Variants in F5 observed in about 807,000 individuals in gnomAD.
F5 encodes activated protein c cofactor.
F5 carries 138 observed loss-of-function variants against 216.4 expected under a neutral mutation model. The ratio of observed to expected loss-of-function variants is 0.64; its 90% CI spans 0.56 to 0.73. The LOEUF (loss-of-function observed/expected upper bound fraction) is 0.73, where lower values mean the gene tolerates loss of function less well. Ranked by LOEUF, F5 falls within the 30% of genes least tolerant of loss-of-function variation. F5 has a pLI of 0.00. For synonymous variants in F5, 916 were observed against 930.7 expected, an observed-to-expected ratio of 0.98 and a Z score of 0.29; for missense variants, 2,403 against 2,674.0, an observed-to-expected ratio of 0.90 and a Z score of 2.24.
At position 169,513,743 on chromosome 1, in the gene F5, C is replaced by T. The variant is rs531400760; in HGVS notation, c.*570G>A. 3.3e-5 allele frequency among the ~76,000 whole-genome samples: 5 copies of T among 152,130 alleles called. No individual in the cohort carries two copies. The highest frequency in any genetic ancestry group is 7.2e-5 in the African/African-American group (3 of 41,520). ...TGTGCAGTCCTTAGGGAGACCAGGA[C>T]GGATTCACAATTTCAATGGGGCTAC... On this transcript the variant is annotated 3_prime_UTR_variant, in exon 25 of 25. Transcript: ENST00000367797.
At chr1:169,581,677 A>C (rs935388159) in intron 2 of F5, among the ~76,000 whole-genome samples, 6 of 152,198 alleles carry the variant, frequency 3.9e-5, no homozygotes, top group Non-Finnish European at 8.8e-5. Context: ...AACTGGAGGA[A>C]GTTCTCCCTT....
At chr1:169,551,221 G>T (rs2420375) in intron 8 of F5, among the ~76,000 whole-genome samples, 1 of 152,156 alleles carries the variant, frequency 6.6e-6, no homozygotes, top group South Asian at 2.1e-4. Flanking sequence ...GGCTGAAGCA[G>T]GTGGATCACT....
chr1:169,540,795 T>C lies in F5; in HGVS notation c.4295A>G (p.Asp1432Gly). ...TGGAGAGAGAGTCACCTGGCTGAGG[T>C]CTGGGGAAAGGGACATCTGACCAAA... ...PNFGQMSLSP[D>G]LSQVTLSPDI... The change falls in exon 13 of 25, where the codon GAC (aspartate) becomes GGC (glycine). Residue 1432 changes from aspartate (D) to glycine (G), a missense_variant. Around this residue, in one of 4 missense-constraint regions of F5, gnomAD observed 293 missense variants for 270.8 expected, o/e 1.08. Transcript: ENST00000367797. 5 of 1,613,686 alleles carry C rather than the reference T, an allele frequency of 3.1e-6. No homozygotes were observed. Among genetic ancestry groups the C allele is most frequent in the Non-Finnish European group, 4.2e-6 (5 of 1,179,900 alleles).
chr1:169,535,195 T>A (rs1290187710), intron 14 of F5, among the ~76,000 whole-genome samples: 1 of 152,130 alleles, frequency 6.6e-6, no homozygotes, highest in Non-Finnish European at 1.5e-5. Flanking sequence ...TAAAATTATT[T>A]TAAAAATACA....
rs767263473 is a variant in F5 at position 169,529,608 on chromosome 1, C to G, written c.5419G>C (p.Ala1807Pro). 1 of 1,613,086 alleles carries G rather than the reference C, an allele frequency of 6.2e-7. No individual in the cohort carries two copies. The change falls in exon 16 of 25, where the codon GCC becomes CCC. Residue 1807 changes from alanine to proline, a missense_variant and splice_region_variant. Around this residue, in one of 4 missense-constraint regions of F5, gnomAD observed 659 missense variants for 787.9 expected, o/e 0.84. Transcript: ENST00000367797. The stretch of plus-strand genomic sequence containing the variant: ...TTAGATCAAAGTCTGAGGAAAATAC[C>G]GTGAAACTCATGGGATTTTTTCATT... ...SEMKKSHEFH[A>P]INGMIYSLPG...
intron 23 of F5, among the ~76,000 whole-genome samples, chr1:169,516,905 C>T (rs1340379523): frequency 6.6e-6 from 1 of 152,000 alleles, no homozygotes; most frequent in African/African-American, 2.4e-5. Context: ...TGTTATATCA[C>T]AAAGACTAAG....
At chr1:169,545,347 C>T (rs963771050) in intron 11 of F5, among the ~76,000 whole-genome samples, 3 of 152,088 alleles carry the variant, frequency 2.0e-5, no homozygotes, top group African/African-American at 7.2e-5. Flanking sequence ...CTGAGATATG[C>T]TGTGAGTATA....
chr1:169,573,794 G>A lies in F5; in HGVS notation c.251-1451C>T, dbSNP rs112306566. On this transcript the variant is annotated intron_variant, in intron 2 of 24. Transcript: ENST00000367797. ...GATGTATGATAGGAGCGACTGCTGAGATATGGGCAAAATATTACAGAAGAA... is the reference window on the plus strand; with the variant it reads ...GATGTATGATAGGAGCGACTGCTGAAATATGGGCAAAATATTACAGAAGAA... 6.4e-3 allele frequency among the ~76,000 whole-genome samples: 980 copies of A among 152,236 alleles called. 4 individuals are homozygous for A. Among genetic ancestry groups the A allele is most frequent in the Middle Eastern group, 0.034 (10 of 294 alleles).
intron 14 of F5, among the ~76,000 whole-genome samples, chr1:169,532,116 A>C (rs1322091957): frequency 6.6e-6 from 1 of 152,222 alleles, no homozygotes; most frequent in African/African-American, 2.4e-5. Flanking sequence ...ATCTCAATAA[A>C]TGTGGAAAAA....
At position 169,540,387 on chromosome 1, in the gene F5, G is replaced by A. The variant is rs926913920; in HGVS notation, c.4703C>T (p.Ala1568Val). 2 of 1,613,888 alleles carry A rather than the reference G, an allele frequency of 1.2e-6. No individual in the cohort carries two copies. Among genetic ancestry groups the A allele is most frequent in the African/African-American group, 1.3e-5 (1 of 74,894 alleles). Reference protein sequence around the residue: ...INSSRDPDNIAAWYLRSNNGN... With the variant: ...INSSRDPDNIVAWYLRSNNGN... ...ATTGTTGCTGCGGAGGTACCATGCTGCAATGTTGTCAGGATCTCTGGAGGA... is the reference window on the plus strand; with the variant it reads ...ATTGTTGCTGCGGAGGTACCATGCTACAATGTTGTCAGGATCTCTGGAGGA... Residue 1568 changes from alanine to valine, a missense_variant, in exon 13 of 25, where the codon GCA (alanine) becomes GTA (valine). Transcript: ENST00000367797.
At chr1:169,539,117 G>A (rs1019912738) in intron 13 of F5, among the ~76,000 whole-genome samples, 7 of 152,146 alleles carry the variant, frequency 4.6e-5, no homozygotes, top group African/African-American at 1.4e-4. Context: ...ACTGAAGCAT[G>A]TCGAATTCTC....
At chr1:169,572,972 G>A (rs942134763) in intron 2 of F5, among the ~76,000 whole-genome samples, 2 of 150,580 alleles carry the variant, frequency 1.3e-5, no homozygotes, top group African/African-American at 4.9e-5. Flanking sequence ...TTGAGATGGA[G>A]TCTCGCTCTG....
rs576697300 is a variant in F5, at chr1:169,547,851, A to G, written c.1612-1259T>C. 3.3e-5 allele frequency among the ~76,000 whole-genome samples: 5 copies of G among 152,344 alleles called. No individual in the cohort carries two copies. The South Asian group carries it at 8.3e-4, about 25-fold the overall frequency. ...AATTCCATTACTTGGTATGTACCCA[A>G]AGGAATATAAATCATTCTGTTATAA... On this transcript the variant is annotated intron_variant, in intron 10 of 24. Transcript: ENST00000367797.
At chr1:169,561,420 C>T (rs982793215) in intron 3 of F5, among the ~76,000 whole-genome samples, 4 of 152,064 alleles carry the variant, frequency 2.6e-5, no homozygotes, top group African/African-American at 9.7e-5. Context: ...TTAACACCTC[C>T]ATGTATATTG....
chr1:169,546,766 C>T (rs1251247035), intron 10 of F5, among the ~76,000 whole-genome samples, 174 bp from the exon 11 acceptor site: 1 of 151,990 alleles, frequency 6.6e-6, no homozygotes, highest in African/African-American at 2.4e-5. Context: ...ACTGGCTAGC[C>T]GTAGGCAGAA....
chr1:169,562,459 T>C (rs1660505371), intron 3 of F5, among the ~76,000 whole-genome samples: 1 of 152,110 alleles, frequency 6.6e-6, no homozygotes, highest in East Asian at 1.9e-4. Context: ...TTCTTTCCAT[T>C]TACTTTTAAT....
chr1:169,574,679 A>C (rs1660803521), intron 2 of F5, among the ~76,000 whole-genome samples: 1 of 152,242 alleles, frequency 6.6e-6, no homozygotes, highest in Non-Finnish European at 1.5e-5. Context: ...GTAGATATTA[A>C]GATCCTCATT....
intron 3 of F5, 59 bp downstream of exon 3, chr1:169,572,162 T>C: frequency 1.3e-6 from 2 of 1,540,294 alleles, no homozygotes; most frequent in Non-Finnish European, 1.8e-6. Context: ...TAAATGTTGA[T>C]GCTGGTATTA....
intron 3 of F5, among the ~76,000 whole-genome samples, chr1:169,569,034 G>C (rs561900091): frequency 6.6e-6 from 1 of 152,182 alleles, no homozygotes; most frequent in African/African-American, 2.4e-5. Context: ...TGATTTCATT[G>C]CACAGGACTT....
Sources: allele counts gnomAD v4.1 joint callset (sites outside exome capture counted in the v4.1 genomes callset), GRCh38; gene constraint gnomAD v4.1.1; regional missense constraint gnomAD v4.1.1; transcripts MANE v1.5; gene names NCBI Gene and HGNC (gene_info 2026-07-23, HGNC 2026-07-21).